FHIT: variants seen among roughly 807,000 people sequenced by gnomAD.
FHIT encodes the protein bis(5'-adenosyl)-triphosphatase.
Under a neutral mutation model 17.9 loss-of-function variants are expected in FHIT, and 19 were observed. The observed-to-expected ratio is 1.06, with a 90% confidence interval of 0.74 to 1.56. FHIT has a LOEUF of 1.56. Ranked by LOEUF, FHIT falls within the 40% of genes most tolerant of loss-of-function variation. The probability of loss-of-function intolerance (pLI) is 0.00; values close to 1 mark genes in which losing one functional copy is unlikely to be tolerated. For synonymous variants in FHIT, 81 were observed against 69.7 expected, an observed-to-expected ratio of 1.16 and a Z score of -0.81; for missense variants, 248 against 189.2, an observed-to-expected ratio of 1.31 and a Z score of -1.82.
intron 5 of FHIT, among the ~76,000 whole-genome samples, chr3:60,397,913 T>C (rs1228325222): frequency 1.3e-5 from 2 of 152,250 alleles, no homozygotes; most frequent in Non-Finnish European, 2.9e-5. Flanking sequence ...CTTTTTTGCA[T>C]ACTCACAGAC....
At chr3:60,599,305 G>T (rs1338531712) in intron 4 of FHIT, among the ~76,000 whole-genome samples, 2 of 152,104 alleles carry the variant, frequency 1.3e-5, no homozygotes, top group Non-Finnish European at 2.9e-5. Context: ...GAGATTAGGT[G>T]ATATATCCAC....
At chr3:61,022,034 T>TA (rs1229487101) in intron 3 of FHIT, among the ~76,000 whole-genome samples, 2 of 151,990 alleles carry the variant, frequency 1.3e-5, no homozygotes, top group South Asian at 2.1e-4. Flanking sequence ...GAAAAACCCT[T>TA]AAAAAAATCA....
At chr3:60,072,280 T>A (rs1471329262) in intron 5 of FHIT, among the ~76,000 whole-genome samples, 1 of 152,174 alleles carries the variant, frequency 6.6e-6, no homozygotes, top group Non-Finnish European at 1.5e-5. Flanking sequence ...CCTTTATATT[T>A]AGAATGGCTA....
At chr3:60,526,324 G>A (rs920349442) in intron 5 of FHIT, among the ~76,000 whole-genome samples, 1 of 152,032 alleles carries the variant, frequency 6.6e-6, no homozygotes, top group Admixed American at 6.6e-5. Context: ...TTTACAAAAG[G>A]ACAGCCATGT....
chr3:60,990,491 A>G (rs2030092856), intron 3 of FHIT, among the ~76,000 whole-genome samples: 1 of 152,196 alleles, frequency 6.6e-6, no homozygotes, highest in African/African-American at 2.4e-5. Flanking sequence ...CTTATTTTTA[A>G]ACTCCAATAT....
intron 7 of FHIT, among the ~76,000 whole-genome samples, chr3:59,939,737 T>C (rs76075220): frequency 0.011 from 1,623 of 152,206 alleles, 34 homozygotes; most frequent in African/African-American, 0.037. Flanking sequence ...ATTAGTAACA[T>C]AAAACAGGCC....
At chr3:61,038,732 G>C (rs577878448) in intron 3 of FHIT, among the ~76,000 whole-genome samples, 1 of 152,224 alleles carries the variant, frequency 6.6e-6, no homozygotes, top group South Asian at 2.1e-4. Context: ...AAAGAAAGGA[G>C]GGGAGGGAAA....
intron 2 of FHIT, among the ~76,000 whole-genome samples, chr3:61,136,633 T>G (rs1560011034): frequency 6.6e-6 from 1 of 152,176 alleles, no homozygotes; most frequent in South Asian, 2.1e-4. Context: ...AACCACATGC[T>G]TAAAATACGT....
At chr3:60,293,052 T>G (rs1428811523) in intron 5 of FHIT, among the ~76,000 whole-genome samples, 1 of 152,182 alleles carries the variant, frequency 6.6e-6, no homozygotes, top group Non-Finnish European at 1.5e-5. Flanking sequence ...TATAGTACAT[T>G]AAACCCACAG....
chr3:60,314,228 T>G (rs1416144000), intron 5 of FHIT, among the ~76,000 whole-genome samples: 1 of 149,498 alleles, frequency 6.7e-6, no homozygotes, highest in Admixed American at 6.6e-5. Context: ...TTCTGGTAGA[T>G]GATTAATAAG....
At chr3:61,163,212 C>T (rs1045191270) in intron 2 of FHIT, among the ~76,000 whole-genome samples, 4 of 152,258 alleles carry the variant, frequency 2.6e-5, no homozygotes, top group African/African-American at 9.6e-5. Flanking sequence ...TTATAGCCTC[C>T]ATAAACAAGC....
chr3:60,361,995 C>T (rs1387359263), intron 5 of FHIT, among the ~76,000 whole-genome samples: 1 of 152,128 alleles, frequency 6.6e-6, no homozygotes, highest in East Asian at 1.9e-4. Context: ...AGCATCACAT[C>T]GTCACTCAAC....
chr3:59,819,856 C>G (rs755946635), intron 8 of FHIT, among the ~76,000 whole-genome samples: 5 of 152,190 alleles, frequency 3.3e-5, no homozygotes, highest in Admixed American at 6.5e-5. Flanking sequence ...GGGGGCTCTA[C>G]CCTCATGAAT....
chr3:60,424,360 C>T (rs1218145048), intron 5 of FHIT, among the ~76,000 whole-genome samples: 3 of 152,146 alleles, frequency 2.0e-5, no homozygotes, highest in Non-Finnish European at 2.9e-5. Context: ...AACTCACATA[C>T]ATCTCAAAGC....
intron 8 of FHIT, among the ~76,000 whole-genome samples, chr3:59,890,886 C>A (rs1200610941): frequency 6.6e-6 from 1 of 152,140 alleles, no homozygotes; most frequent in Admixed American, 6.5e-5. Flanking sequence ...CTTCATTTCT[C>A]CCCCCCAACA....
At chr3:60,509,081 C>T (rs1559501356) in intron 5 of FHIT, among the ~76,000 whole-genome samples, 1 of 152,142 alleles carries the variant, frequency 6.6e-6, no homozygotes, top group South Asian at 2.1e-4. Flanking sequence ...TCCCCCATTG[C>T]AAGCAGTCCT....
chr3:60,072,655 T>C (rs1221528461), intron 5 of FHIT, among the ~76,000 whole-genome samples: 1 of 152,198 alleles, frequency 6.6e-6, no homozygotes, highest in Non-Finnish European at 1.5e-5. Context: ...CCAGCATCAC[T>C]GAGCTGGTAA....
At chr3:60,552,155 G>A (rs2036581685) in intron 4 of FHIT, among the ~76,000 whole-genome samples, 1 of 152,020 alleles carries the variant, frequency 6.6e-6, no homozygotes, top group Non-Finnish European at 1.5e-5. Context: ...ATTTTACCAT[G>A]TATTCATCCT....
chr3:59,789,568 G>T (rs192032811), intron 8 of FHIT, among the ~76,000 whole-genome samples: 1 of 152,268 alleles, frequency 6.6e-6, no homozygotes, highest in Admixed American at 6.5e-5. Flanking sequence ...AATTGAAATG[G>T]TATCTTTTAA....
Sources: gnomAD v4.1 joint callset for allele counts (sites outside exome capture counted in the v4.1 genomes callset) on GRCh38, gnomAD v4.1.1 for gene constraint, MANE v1.5 for transcripts, NCBI Gene and HGNC (gene_info 2026-07-23, HGNC 2026-07-21) for gene names.